Variants in CNOT2 observed in about 807,000 individuals in gnomAD.
CNOT2 encodes the protein CC chemokine receptor 4-negative regulator of transcription 2.
Under a neutral mutation model 72.1 loss-of-function variants are expected in CNOT2, and 7 were observed. That is an observed-to-expected ratio of 0.10 (90% CI 0.06 to 0.18). The LOEUF (loss-of-function observed/expected upper bound fraction) is 0.18, where lower values mean the gene tolerates loss of function less well. Ranked by LOEUF, CNOT2 falls within the 10% of genes least tolerant of loss-of-function variation. The pLI is 1.00. For synonymous variants in CNOT2, 196 were observed against 225.6 expected, an observed-to-expected ratio of 0.87 and a Z score of 1.17; for missense variants, 345 against 660.3, an observed-to-expected ratio of 0.52 and a Z score of 5.23.
At chr12:70,341,741 GAAATTTATTTA>G (rs1379158964) in intron 11 of CNOT2, among the ~76,000 whole-genome samples, 2 of 152,050 alleles carry the variant, frequency 1.3e-5, no homozygotes, top group African/African-American at 2.4e-5. Flanking sequence ...AAATAAATGG[GAAATTTATTTA>G]AAATTTATTT....
At chr12:70,319,091 T>C in intron 3 of CNOT2, 3 of 388,116 alleles carry the variant, frequency 7.7e-6, no homozygotes, top group Non-Finnish European at 1.4e-5. Context: ...TAAAAATTAA[T>C]TTCATTTCTA....
At chr12:70,343,207 A>G (rs957084328) in intron 13 of CNOT2, among the ~76,000 whole-genome samples, 9 of 152,204 alleles carry the variant, frequency 5.9e-5, no homozygotes, top group Admixed American at 1.3e-4. Context: ...TTTGAGAAAT[A>G]CTAATTTAGG....
chr12:70,300,424 A>G (rs1054625450), intron 2 of CNOT2, among the ~76,000 whole-genome samples: 3 of 152,224 alleles, frequency 2.0e-5, no homozygotes, highest in African/African-American at 7.2e-5. Flanking sequence ...ATCCAGTTTC[A>G]GCTTTCTACA....
At chr12:70,326,741 T>C (rs1879139669) in intron 4 of CNOT2, among the ~76,000 whole-genome samples, 1 of 151,894 alleles carries the variant, frequency 6.6e-6, no homozygotes, top group African/African-American at 2.4e-5. Flanking sequence ...TATTCAGGGG[T>C]TGATGATCCA....
intron 1 of CNOT2, among the ~76,000 whole-genome samples, chr12:70,276,013 A>G (rs912597102): frequency 9.9e-5 from 15 of 152,122 alleles, no homozygotes; most frequent in African/African-American, 3.6e-4. Context: ...TAGCTCCCAC[A>G]TTGATTAGAG....
chr12:70,308,292 T>G (rs1468745060), intron 2 of CNOT2, among the ~76,000 whole-genome samples: 1 of 152,150 alleles, frequency 6.6e-6, no homozygotes, highest in Non-Finnish European at 1.5e-5. Flanking sequence ...GAAAAACCTG[T>G]GTTGTCTTTT....
chr12:70,259,757 TAATA>T (rs1958657813), intron 1 of CNOT2, among the ~76,000 whole-genome samples: 1 of 152,206 alleles, frequency 6.6e-6, no homozygotes, highest in Admixed American at 6.5e-5. Flanking sequence ...TGAATGCATA[TAATA>T]AATATCCTCT....
At chr12:70,291,805 C>T (rs1171414519) in intron 2 of CNOT2, among the ~76,000 whole-genome samples, 4 of 152,036 alleles carry the variant, frequency 2.6e-5, no homozygotes, top group Non-Finnish European at 5.9e-5. Flanking sequence ...GGCGTGGTGG[C>T]GGGCACCTGT....
At chr12:70,325,552 T>A (rs771002920) in intron 4 of CNOT2, among the ~76,000 whole-genome samples, 3 of 151,904 alleles carry the variant, frequency 2.0e-5, no homozygotes, top group Non-Finnish European at 4.4e-5. Context: ...TAATGCCTAG[T>A]GTGAATTCTT....
chr12:70,316,748 A>T (rs1426348463), intron 3 of CNOT2, among the ~76,000 whole-genome samples: 1 of 152,128 alleles, frequency 6.6e-6, no homozygotes, highest in Admixed American at 6.6e-5. Flanking sequence ...CTTGATCTCA[A>T]GTAATTGGCC....
At chr12:70,257,588 C>T (rs1380986583) in intron 1 of CNOT2, among the ~76,000 whole-genome samples, 2 of 151,548 alleles carry the variant, frequency 1.3e-5, no homozygotes, top group Non-Finnish European at 2.9e-5. Flanking sequence ...AGGATGCTCT[C>T]GATCTCCTGA....
chr12:70,339,014 ATGTGTGTGTGTG>A (rs143055295), intron 11 of CNOT2, among the ~76,000 whole-genome samples, 192 bp downstream of exon 11: 30 of 131,046 alleles, frequency 2.3e-4, no homozygotes, highest in African/African-American at 5.5e-4. Flanking sequence ...TTGGCATTTT[ATGTGTGTGTGTG>A]TGTGTGTGTG....
chr12:70,260,867 T>TTG (rs2052888801), intron 1 of CNOT2, among the ~76,000 whole-genome samples: 1 of 151,718 alleles, frequency 6.6e-6, no homozygotes, highest in Non-Finnish European at 1.5e-5. Context: ...TTTTTTTTTT[T>TTG]GCCTAATTGT....
chr12:70,296,486 A>T (rs908753491), intron 2 of CNOT2, among the ~76,000 whole-genome samples: 1 of 151,896 alleles, frequency 6.6e-6, no homozygotes, highest in Non-Finnish European at 1.5e-5. Context: ...CATGCTATCG[A>T]TTTGATGATT....
intron 11 of CNOT2, 134 bp downstream of exon 11, chr12:70,338,956 C>A: frequency 2.7e-6 from 2 of 736,950 alleles, no homozygotes; most frequent in Non-Finnish European, 4.4e-6. Flanking sequence ...CATTCCCATT[C>A]ATGTTAGCTC....
intron 3 of CNOT2, among the ~76,000 whole-genome samples, chr12:70,312,949 T>G (rs1474556417): frequency 1.3e-5 from 2 of 152,020 alleles, no homozygotes; most frequent in Non-Finnish European, 2.9e-5. Flanking sequence ...GCTTTAAATA[T>G]TTTTATTGAA....
At chr12:70,324,757 C>T (rs752334278) in intron 4 of CNOT2, among the ~76,000 whole-genome samples, 1 of 151,868 alleles carries the variant, frequency 6.6e-6, no homozygotes, top group Non-Finnish European at 1.5e-5. Context: ...CTTATACATT[C>T]TTAGCACCTA....
chr12:70,265,247 C>G (rs1200745932), intron 1 of CNOT2, among the ~76,000 whole-genome samples: 1 of 143,878 alleles, frequency 7.0e-6, no homozygotes, highest in Non-Finnish European at 1.6e-5. Context: ...ACTAGTAAAA[C>G]TACCAAACCT....
chr12:70,342,300 G>A lies in CNOT2; in HGVS notation c.1283G>A (p.Arg428Lys). Residue 428 changes from arginine (R) to lysine (K), a missense_variant, in exon 13 of 16, where the codon AGG becomes AAG. Arg to Lys is a conservative substitution (Grantham distance 26). Around this residue, in one of 4 missense-constraint regions of CNOT2, gnomAD observed 53 missense variants for 153.4 expected, o/e 0.35. Transcript: ENST00000229195. ...GAGTACTTAACGAACATTCACATTA[G>A]GGATAAGGTGAGTGTAGTTTATTAT... ...PSEYLTNIHI[R>K]DKLAAIKLGR... is the part of the protein sequence containing the mutation. 6.2e-7 allele frequency: 1 copy of A among 1,613,106 alleles called. No homozygotes were observed.
Sources: allele counts gnomAD v4.1 joint callset (sites outside exome capture counted in the v4.1 genomes callset), GRCh38; gene constraint gnomAD v4.1.1; regional missense constraint gnomAD v4.1.1; transcripts MANE v1.5; gene names NCBI Gene and HGNC (gene_info 2026-07-23, HGNC 2026-07-21).